The following PSG8 variants were observed in gnomAD, a reference collection of about 807,000 sequenced individuals.
The protein encoded by PSG8 is pregnancy-specific beta-1-glycoprotein 8.
In PSG8, 57 loss-of-function variants were observed where a neutral mutation model predicts 42.5. That is an observed-to-expected ratio of 1.34 (90% CI 1.08 to 1.67). The LOEUF is 1.67. Ranked by LOEUF, PSG8 falls within the 40% of genes most tolerant of loss-of-function variation. The probability of loss-of-function intolerance (pLI) is 0.00; values close to 1 mark genes in which losing one functional copy is unlikely to be tolerated. For missense variants in PSG8, 783 were observed against 518.6 expected, an observed-to-expected ratio of 1.51 and a Z score of -4.95; for synonymous variants, 280 against 196.8, an observed-to-expected ratio of 1.42 and a Z score of -3.54.
chr19:42,761,974 C>G, intron 2 of PSG8, among the ~76,000 whole-genome samples: 1 of 151,798 alleles, frequency 6.6e-6, no homozygotes, highest in East Asian at 1.9e-4. Context: ...GATGGGAATA[C>G]AGTGGAAGCT....
intron 2 of PSG8, among the ~76,000 whole-genome samples, chr19:42,761,363 T>C (rs1335235994): frequency 6.6e-6 from 1 of 152,220 alleles, no homozygotes; most frequent in South Asian, 2.1e-4. Flanking sequence ...AGGAGGGAAC[T>C]GAATTCTGCT....
intron 2 of PSG8, among the ~76,000 whole-genome samples, chr19:42,763,427 ATCCTCGG>A (rs1320464034): frequency 6.6e-6 from 1 of 152,120 alleles, no homozygotes; most frequent in Non-Finnish European, 1.5e-5. Flanking sequence ...CAGCTGGTAA[ATCCTCGG>A]TCCCAGTAAG....
chr19:42,757,616 G>A (rs920662230), intron 3 of PSG8, among the ~76,000 whole-genome samples: 1 of 152,126 alleles, frequency 6.6e-6, no homozygotes, highest in African/African-American at 2.4e-5. Flanking sequence ...AGAGAATAAT[G>A]TCACAGGCGA....
intron 2 of PSG8, among the ~76,000 whole-genome samples, chr19:42,761,820 A>ATTTTTTTTTTTTTTTTTTT (rs58868359): frequency 3.5e-4 from 25 of 70,430 alleles, no homozygotes; most frequent in East Asian, 1.0e-3. Flanking sequence ...CATTTCAATA[A>ATTTTTTTTTTTTTTTTTTT]TTTTTTTTTT....
intron 3 of PSG8, among the ~76,000 whole-genome samples, chr19:42,757,774 A>G (rs1969964160): frequency 6.6e-6 from 1 of 152,132 alleles, no homozygotes; most frequent in African/African-American, 2.4e-5. Flanking sequence ...TTCTCCCATC[A>G]CAAGCTGTGG....
rs145793435 is a variant in PSG8, at chr19:42,765,530, G to C, written c.52C>G (p.Leu18Val). The C allele has an allele frequency of 3.2e-5, 52 of 1,611,066 alleles. No homozygotes were observed. The highest frequency in any genetic ancestry group is 1.7e-4 in the Middle Eastern group (1 of 6,050). ...GTTCTCTCCTCACCTGTGAGCAGGA[G>C]CCCCTTCCAGGTGATGCGCTGTGTG... ...PCTQRITWKG[L>V]LLTASLLNFW... The change falls in exon 1 of 5, where the codon CTC (leucine) becomes GTC (valine). Residue 18 changes from leucine to valine, a missense_variant. Coordinates refer to ENST00000306511, the MANE Select transcript of PSG8 (RefSeq NM_182707.3).
intron 2 of PSG8, among the ~76,000 whole-genome samples, chr19:42,760,521 G>T (rs1009832496): frequency 6.6e-5 from 10 of 152,080 alleles, no homozygotes; most frequent in Non-Finnish European, 1.5e-4. Context: ...TCAAGCTAGG[G>T]ATTCTTTCCT....
chr19:42,758,694 T>A (rs1278318563), intron 2 of PSG8: 1 of 216,908 alleles, frequency 4.6e-6, no homozygotes, highest in African/African-American at 2.3e-5. Flanking sequence ...GCAGCTTCCC[T>A]TGCCAAGGAC....
intron 3 of PSG8, chr19:42,756,267 C>T (rs2122240770): frequency 6.6e-6 from 1 of 152,178 alleles, no homozygotes; most frequent in Admixed American, 6.5e-5. Context: ...TAAGTGGATT[C>T]CAGAGTGAAT....
chr19:42,760,224 C>T (rs1019553095), intron 2 of PSG8, among the ~76,000 whole-genome samples: 4 of 152,070 alleles, frequency 2.6e-5, no homozygotes, highest in Non-Finnish European at 5.9e-5. Context: ...ACGCAGAACT[C>T]CAACTTATGA....
At chr19:42,757,665 A>G (rs893550659) in intron 3 of PSG8, among the ~76,000 whole-genome samples, 2 of 152,154 alleles carry the variant, frequency 1.3e-5, no homozygotes, top group African/African-American at 4.8e-5. Context: ...CTGTGGAAGC[A>G]CCACAATCAC....
chr19:42,761,820 ATTTTTTT>A (rs58868359), intron 2 of PSG8, among the ~76,000 whole-genome samples: 254 of 70,372 alleles, frequency 3.6e-3, no homozygotes, highest in African/African-American at 0.011. Context: ...CATTTCAATA[ATTTTTTT>A]TTTTTTTTTT....
In PSG8 at chr19:42,765,564, G is replaced by T; in HGVS notation, c.18C>A (p.Ala6=). Residue 6 remains alanine (A), a synonymous_variant, in exon 1 of 5, where the codon GCC becomes GCA. Coordinates refer to ENST00000306511, the MANE Select transcript of PSG8 (RefSeq NM_182707.3). ...AGGTGATGCGCTGTGTGCAGGGAGG[G>T]GCTGAGAGGAGCCCCATGGTCTCTG... is the stretch of plus-strand genomic sequence containing the variant. MGLLS[A]PPCTQRITWK... is the part of the protein sequence containing the mutation. 6.2e-7 allele frequency: 1 copy of T among 1,611,168 alleles called. No individual in the cohort carries two copies. Among genetic ancestry groups the T allele is most frequent in the Non-Finnish European group, 8.5e-7 (1 of 1,178,116 alleles).
chr19:42,754,847 A>G lies in PSG8; in HGVS notation c.988+141T>C, dbSNP rs1969876521. The G allele has an allele frequency of 2.0e-6, 3 of 1,515,618 alleles. No homozygotes were observed. In the East Asian group the frequency reaches 6.8e-5, roughly 34 times the overall value. 93.9% of individuals were successfully genotyped at this position (1,515,618 alleles called of 1,614,324 possible). ...AGGCTGTGCCTACCCAGGTTTTCCC[A>G]GGGCAGGGAGTCATGGCCAGCTCGG... is the stretch of plus-strand genomic sequence containing the variant. On this transcript the variant is annotated intron_variant, in intron 4 of 4. Transcript: ENST00000306511.
intron 3 of PSG8, among the ~76,000 whole-genome samples, chr19:42,756,316 G>A (rs192923058): frequency 1.3e-5 from 2 of 152,288 alleles, no homozygotes; most frequent in South Asian, 2.1e-4. Flanking sequence ...CTGGGAGTGG[G>A]GAGAATCAGA....
intron 2 of PSG8, among the ~76,000 whole-genome samples, chr19:42,760,078 TG>T (rs1359446731): frequency 2.6e-5 from 4 of 152,122 alleles, no homozygotes; most frequent in Non-Finnish European, 4.4e-5. Context: ...TTAGGAAAAA[TG>T]GGGAGGACCC....
intron 3 of PSG8, among the ~76,000 whole-genome samples, chr19:42,757,196 A>T (rs1019770394): frequency 6.6e-6 from 1 of 151,978 alleles, no homozygotes; most frequent in African/African-American, 2.4e-5. Context: ...GACAGGCAAA[A>T]GCTGGTGGTT....
In PSG8 at chr19:42,764,266, A is replaced by G. The variant is rs1424955121; in HGVS notation, c.80T>C (p.Phe27Ser). The change falls in exon 2 of 5, where the codon TTC becomes TCC. Residue 27 changes from phenylalanine (F) to serine (S), a missense_variant. Physicochemically the swap from Phe to Ser is radical, Grantham distance 155. Coordinates refer to ENST00000306511, the MANE Select transcript of PSG8 (RefSeq NM_182707.3). ...TTGGGCAGTCGTGGGTGGGTTCCAG[A>G]AGTTTAAAAGTGATGCTAGGAGGTG... ...GLLLTASLLN[F>S]WNPPTTAQVT... 20 of 1,613,042 alleles carry G rather than the reference A, an allele frequency of 1.2e-5. No homozygotes were observed. Among genetic ancestry groups the G allele is most frequent in the Non-Finnish European group, 1.6e-5 (19 of 1,179,528 alleles).
downstream of PSG8, chr19:42,753,036 A>G (rs1969820405): frequency 1.8e-6 from 1 of 565,796 alleles, no homozygotes; most frequent in African/African-American, 1.9e-5. Context: ...TTATCCTGCC[A>G]AGTGAAAGAG....
Sources: gnomAD v4.1 joint callset for allele counts (sites outside exome capture counted in the v4.1 genomes callset) on GRCh38, gnomAD v4.1.1 for gene constraint, MANE v1.5 for transcripts, NCBI Gene and HGNC (gene_info 2026-07-23, HGNC 2026-07-21) for gene names.